The following TBX15 variants were observed in gnomAD, a reference collection of about 807,000 sequenced individuals.
The protein encoded by TBX15 is T-box transcription factor 15.
TBX15 carries 18 observed loss-of-function variants against 53.9 expected under a neutral mutation model. The observed-to-expected ratio is 0.33, with a 90% CI of 0.23 to 0.49. TBX15 has a LOEUF of 0.49. Ranked by LOEUF, TBX15 falls within the 20% of genes least tolerant of loss-of-function variation. The pLI is 0.98. For missense variants in TBX15, 692 were observed against 749.5 expected (o/e 0.92, Z 0.90); for synonymous variants, 295 against 278.0 (o/e 1.06, Z -0.61).
At chr1:118,899,717 A>C (rs1290723572) in intron 6 of TBX15, among the ~76,000 whole-genome samples, 1 of 152,206 alleles carries the variant, frequency 6.6e-6, no homozygotes, top group Non-Finnish European at 1.5e-5. Context: ...AAGATAAAGA[A>C]AGGGCTTGGT....
intron 1 of TBX15, among the ~76,000 whole-genome samples, chr1:118,967,754 C>T (rs1338854306): frequency 6.6e-6 from 1 of 152,190 alleles, no homozygotes; most frequent in African/African-American, 2.4e-5. Flanking sequence ...AGTTAACCTG[C>T]ATAAAATTAA....
chr1:118,936,862 A>G (rs1237523553), intron 1 of TBX15, among the ~76,000 whole-genome samples: 1 of 152,182 alleles, frequency 6.6e-6, no homozygotes, highest in Admixed American at 6.6e-5. Flanking sequence ...CATTTAATTC[A>G]ATTTTTATGT....
chr1:118,913,621 T>A (rs1202197296), intron 6 of TBX15, among the ~76,000 whole-genome samples: 1 of 152,182 alleles, frequency 6.6e-6, no homozygotes, highest in Non-Finnish European at 1.5e-5. Context: ...AACTCTCTTT[T>A]CTAAAGCAGG....
chr1:118,970,863 G>A (rs1657215772), intron 1 of TBX15, among the ~76,000 whole-genome samples: 1 of 152,126 alleles, frequency 6.6e-6, no homozygotes, highest in South Asian at 2.1e-4. Context: ...GGGATCTCCT[G>A]TCAGTTCATG....
chr1:118,937,490 C>T (rs1230838709), intron 1 of TBX15, among the ~76,000 whole-genome samples: 2 of 152,138 alleles, frequency 1.3e-5, no homozygotes, highest in African/African-American at 2.4e-5. Flanking sequence ...GTCTTCTATC[C>T]AGACTATGAA....
chr1:118,927,021 G>A (rs1655623292), intron 2 of TBX15, among the ~76,000 whole-genome samples: 1 of 152,098 alleles, frequency 6.6e-6, no homozygotes, highest in African/African-American at 2.4e-5. Context: ...AATGCACCCA[G>A]CCTAAACAAC....
chr1:118,920,979 AG>A (rs910592764), intron 5 of TBX15, among the ~76,000 whole-genome samples: 24 of 152,206 alleles, frequency 1.6e-4, no homozygotes, highest in African/African-American at 5.3e-4. Context: ...GTTCAAGACT[AG>A]CCTGGGCAAC....
chr1:118,961,446 T>C (rs1656869523), intron 1 of TBX15, among the ~76,000 whole-genome samples: 1 of 152,148 alleles, frequency 6.6e-6, no homozygotes, highest in Non-Finnish European at 1.5e-5. Flanking sequence ...GCCATCTTCC[T>C]TGGGGAGAAG....
intron 1 of TBX15, among the ~76,000 whole-genome samples, chr1:118,954,080 C>A (rs1365896895): frequency 6.6e-6 from 1 of 152,246 alleles, no homozygotes; most frequent in African/African-American, 2.4e-5. Flanking sequence ...TAAATAGCTA[C>A]TTTCCAGGGG....
chr1:118,927,876 G>T (rs1655650466), intron 2 of TBX15, among the ~76,000 whole-genome samples: 2 of 152,166 alleles, frequency 1.3e-5, no homozygotes, highest in South Asian at 4.1e-4. Context: ...CAAAAATTTG[G>T]ATTGCCCTGA....
Position 118,914,285 on chromosome 1 carries a change from T to A in TBX15, c.862-106A>T. 3.8e-6 allele frequency: 4 copies of A among 1,064,510 alleles called. No homozygotes were observed. In the African/African-American group the frequency reaches 4.8e-5, roughly 13 times the overall value. 65.9% of individuals were successfully genotyped at this position (1,064,510 alleles called of 1,614,324 possible). ...ACTTTTTTAATAACAGTTGTTGCTT[T>A]TATTTAATTTCCTTTCAGCTCAAGA... On this transcript the variant is annotated intron_variant, in intron 5 of 7. Coordinates refer to ENST00000369429, the MANE Select transcript of TBX15 (RefSeq NM_001330677.2).
chr1:118,967,805 T>C (rs1216215666), intron 1 of TBX15, among the ~76,000 whole-genome samples: 1 of 152,222 alleles, frequency 6.6e-6, no homozygotes, highest in Non-Finnish European at 1.5e-5. Flanking sequence ...TGGTATTCTG[T>C]TGTCAGTGTT....
chr1:118,908,740 C>T (rs1303794130), intron 6 of TBX15, among the ~76,000 whole-genome samples: 1 of 151,962 alleles, frequency 6.6e-6, no homozygotes, highest in African/African-American at 2.4e-5. Context: ...CGTACACCTA[C>T]TCCTGTCTCT....
At chr1:118,984,328 G>A (rs1657747822) in intron 1 of TBX15, among the ~76,000 whole-genome samples, 1 of 152,206 alleles carries the variant, frequency 6.6e-6, no homozygotes, top group African/African-American at 2.4e-5. Flanking sequence ...AGTTTCTGGA[G>A]GAGGAAATCC....
At chr1:118,890,879 G>A (rs1014592714) in intron 7 of TBX15, 2 of 1,303,534 alleles carry the variant, frequency 1.5e-6, no homozygotes, top group Non-Finnish European at 2.0e-6. Flanking sequence ...CGTTCCATGA[G>A]CCAGACTCTT....
Position 118,918,219 on chromosome 1 carries a change from C to T in TBX15, c.862-4040G>A, listed in dbSNP as rs376499216. Among the ~76,000 whole-genome samples the T allele has an allele frequency of 4.6e-5, 7 of 152,272 alleles. No individual in the cohort carries two copies. The South Asian group carries it at 6.2e-4, about 14-fold the overall frequency. On this transcript the variant is annotated intron_variant, in intron 5 of 7. Coordinates refer to ENST00000369429, the MANE Select transcript of TBX15 (RefSeq NM_001330677.2). ...GCTCTTAACACAATTGGTAATTACA[C>T]ATGTATTTTTGTATTTACATGTTTA...
chr1:118,982,484 C>T (rs924260070), intron 1 of TBX15, among the ~76,000 whole-genome samples: 3 of 152,154 alleles, frequency 2.0e-5, no homozygotes, highest in Admixed American at 6.5e-5. Flanking sequence ...GTAGTTGTCC[C>T]TTTCTCCTTG....
intron 6 of TBX15, among the ~76,000 whole-genome samples, chr1:118,900,015 C>T (rs1230550910): frequency 6.6e-6 from 1 of 152,134 alleles, no homozygotes; most frequent in Non-Finnish European, 1.5e-5. Flanking sequence ...TTGAGATTAT[C>T]TCAGACATAT....
chr1:118,989,355 C>G (rs888197213), upstream of TBX15: 9 of 152,206 alleles, frequency 5.9e-5, no homozygotes, highest in Non-Finnish European at 1.3e-4. Flanking sequence ...ATTCCCACAC[C>G]TCTTCCCAAG....
Sources: gnomAD v4.1 joint callset for allele counts (sites outside exome capture counted in the v4.1 genomes callset) on GRCh38, gnomAD v4.1.1 for gene constraint, MANE v1.5 for transcripts, NCBI Gene and HGNC (gene_info 2026-07-23, HGNC 2026-07-21) for gene names.